Variants in CUL4B observed in about 807,000 individuals in gnomAD.
The protein encoded by CUL4B is cullin-4B.
A neutral mutation model predicts 69.2 loss-of-function variants in CUL4B; 1 was observed. The ratio of observed to expected loss-of-function variants is 0.01; its 90% CI spans 0.01 to 0.07. The LOEUF is 0.07. Among genes scored for constraint, CUL4B ranks in the 10% least tolerant of loss-of-function variants. The probability of loss-of-function intolerance (pLI) is 1.00; values close to 1 mark genes in which losing one functional copy is unlikely to be tolerated. For synonymous variants in CUL4B, 237 were observed against 223.2 expected, an observed-to-expected ratio of 1.06 and a Z score of -0.55; for missense variants, 328 against 638.8, an observed-to-expected ratio of 0.51 and a Z score of 5.24.
At chrX:120,559,056 T>C (rs1300529647) in intron 1 of CUL4B, among the ~76,000 whole-genome samples, 1 of 110,887 alleles carries the variant, frequency 9.0e-6, no homozygotes, top group East Asian at 2.8e-4. Context: ...AGCCCTCTGC[T>C]TGAGACAAAA....
intron 19 of CUL4B, 67 bp downstream of exon 19, chrX:120,530,035 G>T: frequency 9.4e-7 from 1 of 1,067,494 alleles, no homozygotes. Flanking sequence ...CAAGATTTGT[G>T]TCTGAAAATC....
intron 15 of CUL4B, 80 bp downstream of exon 15, chrX:120,536,847 T>C (rs1468000206): frequency 1.4e-6 from 1 of 702,877 alleles, no homozygotes; most frequent in Non-Finnish European, 2.3e-6. Flanking sequence ...TTTTTCTAAG[T>C]ATCTATTTTT....
intron 2 of CUL4B, among the ~76,000 whole-genome samples, chrX:120,554,668 G>C (rs1313626825): frequency 8.9e-6 from 1 of 112,402 alleles, no homozygotes; most frequent in African/African-American, 3.2e-5. Flanking sequence ...TTTTCATGCA[G>C]AAGTAAGTTC....
intron 12 of CUL4B, 49 bp downstream of exon 12, chrX:120,539,216 CTGT>C: frequency 1.5e-6 from 1 of 668,396 alleles, no homozygotes; most frequent in Non-Finnish European, 2.3e-6. Context: ...GCTAGCTTCT[CTGT>C]TGAGTGCTAT....
At chrX:120,574,619 C>T in exon 2 of CUL4B, 5 of 1,196,169 alleles carry the variant, frequency 4.2e-6, no homozygotes, top group South Asian at 3.5e-5. Flanking sequence ...TGACATCATC[C>T]GTCCTTTGGG....
rs1217015465 is a variant in CUL4B, at chrX:120,524,626, AG to A, written c.*2134del. On this transcript the variant is annotated 3_prime_UTR_variant, in exon 20 of 20. Transcript: ENST00000371322. Reference sequence around the variant, plus strand: ...TCTCTAGAAACTTTTTTTAAATAAAAGTTTTATTGGAGAAAAATAGAACCAC... The same window carrying A: ...TCTCTAGAAACTTTTTTTAAATAAAATTTTATTGGAGAAAAATAGAACCAC... 1 of 112,387 alleles carries A rather than the reference AG, an allele frequency of 8.9e-6. No individual in the cohort carries two copies. Among genetic ancestry groups the A allele is most frequent in the Admixed American group, 9.5e-5 (1 of 10,515 alleles). The allele number at this position is 112,387 out of a possible 1,213,427, so 9.3% of individuals were successfully genotyped here. A position where few individuals can be genotyped will look rare whatever the true frequency, so the allele number is the denominator to read the frequency against.
intron 2 of CUL4B, among the ~76,000 whole-genome samples, chrX:120,556,910 T>C (rs959085606): frequency 1.2e-5 from 1 of 80,270 alleles, no homozygotes; most frequent in African/African-American, 4.5e-5. Flanking sequence ...GAAGTATATA[T>C]ATATTTTTTT....
In CUL4B at chrX:120,524,360, T is replaced by A. The variant is rs2147312717; in HGVS notation, c.*2401A>T. ...CTGAGGATTTGAATGAAGCAATGTT[T>A]ATACTTGTATCCGCATGTTTAAGAA... On this transcript the variant is annotated 3_prime_UTR_variant, in exon 20 of 20. Coordinates refer to ENST00000371322, the MANE Select transcript of CUL4B (RefSeq NM_001079872.2). Among the ~76,000 whole-genome samples the A allele has an allele frequency of 8.9e-6, 1 of 112,116 alleles. No individual in the cohort carries two copies. The highest frequency in any genetic ancestry group is 3.7e-4 in the South Asian group (1 of 2,729).
intron 8 of CUL4B, 118 bp from the exon 9 acceptor site, chrX:120,543,151 T>C: frequency 4.2e-6 from 2 of 472,578 alleles, no homozygotes; most frequent in Non-Finnish European, 7.4e-6. Flanking sequence ...TCAAGATTCC[T>C]ATCCTATGTA....
At chrX:120,544,690 T>A in intron 5 of CUL4B, 47 bp from the exon 6 acceptor site, 1 of 1,090,710 alleles carries the variant, frequency 9.2e-7, no homozygotes. Flanking sequence ...CAATACCACT[T>A]CTGAAGAGGT....
At chrX:120,558,572 C>T (rs1220678549) in intron 1 of CUL4B, among the ~76,000 whole-genome samples, 1 of 111,845 alleles carries the variant, frequency 8.9e-6, no homozygotes, top group Non-Finnish European at 1.9e-5. Flanking sequence ...GTCTGTTTGA[C>T]CCCCACATTT....
upstream of CUL4B, chrX:120,560,996 T>C: frequency 1.1e-6 from 1 of 932,446 alleles, no homozygotes; most frequent in Non-Finnish European, 1.3e-6. Flanking sequence ...TTTCTCCCTC[T>C]CCCTGGGAGG....
chrX:120,541,741 G>T, intron 9 of CUL4B, 21 bp from the exon 10 acceptor site: 1 of 1,006,916 alleles, frequency 9.9e-7, no homozygotes, highest in Non-Finnish European at 1.4e-6. Context: ...AAACATTTTG[G>T]CATTAAAATA....
chrX:120,565,272 G>T (rs2147354323), upstream of CUL4B, among the ~76,000 whole-genome samples: 1 of 110,528 alleles, frequency 9.0e-6, no homozygotes, highest in Admixed American at 9.7e-5. Context: ...CTATCCAATG[G>T]GTGGGATTTT....
upstream of CUL4B, chrX:120,561,449 G>A (rs766565813): frequency 1.8e-6 from 1 of 541,756 alleles, no homozygotes; most frequent in Middle Eastern, 3.5e-4. Flanking sequence ...AGTGGGGGGG[G>A]GAAGGGGGGA....
chrX:120,563,052 AG>A (rs1428571655), upstream of CUL4B, among the ~76,000 whole-genome samples: 1 of 112,123 alleles, frequency 8.9e-6, no homozygotes, highest in African/African-American at 3.2e-5. Flanking sequence ...TGTCTTGAAA[AG>A]TCCCTGATTA....
In CUL4B at chrX:120,572,355, C is replaced by T. The variant is rs905427406; in HGVS notation, c.68-355G>A. The stretch of plus-strand genomic sequence containing the variant: ...TGGCGCATGCCTATAATCCCAGCTA[C>T]TTGGGAGGCTGAGGCAGGAGTATTG... On this transcript the variant is annotated intron_variant, in intron 2 of 2. Transcript: ENST00000486604. Among the ~76,000 whole-genome samples the T allele has an allele frequency of 2.8e-5, 3 of 106,149 alleles. No individual in the cohort carries two copies. The Admixed American group carries it at 3.1e-4, about 11-fold the overall frequency. The allele number at this position is 106,149 out of a possible 115,157, so 92.2% of individuals were successfully genotyped here. A position where few individuals can be genotyped will look rare whatever the true frequency, so the allele number is the denominator to read the frequency against.
chrX:120,552,398 T>C (rs1924743023), intron 2 of CUL4B, among the ~76,000 whole-genome samples: 1 of 112,785 alleles, frequency 8.9e-6, no homozygotes, highest in Non-Finnish European at 1.9e-5. Context: ...TCCGCCCACC[T>C]TGGCCTCCCA....
intron 10 of CUL4B, 137 bp downstream of exon 10, chrX:120,541,465 C>G (rs1425904105): frequency 2.1e-5 from 11 of 520,232 alleles, no homozygotes; most frequent in Non-Finnish European, 3.8e-5. Context: ...TGCCACCGCA[C>G]TCCAGCCTGG....
Sources: allele counts gnomAD v4.1 joint callset (sites outside exome capture counted in the v4.1 genomes callset), GRCh38; gene constraint gnomAD v4.1.1; transcripts MANE v1.5; gene names NCBI Gene and HGNC (gene_info 2026-07-23, HGNC 2026-07-21).